WTIP: variants seen among roughly 807,000 people sequenced by gnomAD.
WTIP encodes Wilms tumor protein 1-interacting protein.
In WTIP, 23 loss-of-function variants were observed where a neutral mutation model predicts 41.7. The observed-to-expected ratio is 0.55, with a 90% CI of 0.40 to 0.78. The LOEUF (loss-of-function observed/expected upper bound fraction) is 0.78, where lower values mean the gene tolerates loss of function less well. Ranked by LOEUF, WTIP falls within the 30% of genes least tolerant of loss-of-function variation. WTIP has a pLI of 0.00. For missense variants in WTIP, 619 were observed against 610.5 expected (o/e 1.01, Z -0.15); for synonymous variants, 314 against 269.9 (o/e 1.16, Z -1.60).
rs914452723 is a variant in WTIP at position 34,482,202 on chromosome 19, G to C, written c.228G>C (p.Ala76=). 3.4e-3 allele frequency: 3,798 copies of C among 1,119,894 alleles called. 7 individuals carry two copies. The highest frequency in any genetic ancestry group is 3.9e-3 in the Non-Finnish European group (3,540 of 918,714). The allele number at this position is 1,119,894 out of a possible 1,614,324, so 69.4% of individuals were successfully genotyped here. The change falls in exon 1 of 8, where the codon GCG becomes GCC. Residue 76 remains alanine (A), a synonymous_variant. Coordinates refer to ENST00000590071, the MANE Select transcript of WTIP (RefSeq NM_001080436.2). ...LSRGERGPRR[A]AVPELSAQPA... ...GCGGGGAGCGGGGTCCCCGGCGCGC[G>C]GCGGTTCCGGAGCTCAGCGCGCAGC...
chr19:34,503,922 C>G lies in WTIP; in HGVS notation c.*3653C>G, dbSNP rs528282421. Reference sequence around the variant, plus strand: ...TGTGGGCGTGAGTGCTCCCTGCAATCCCCAGACAAGCCTGCCTCTCAGCGG... The same window carrying G: ...TGTGGGCGTGAGTGCTCCCTGCAATGCCCAGACAAGCCTGCCTCTCAGCGG... On this transcript the variant is annotated 3_prime_UTR_variant, in exon 8 of 8. Coordinates refer to ENST00000590071, the MANE Select transcript of WTIP (RefSeq NM_001080436.2). 6.6e-6 allele frequency: 1 copy of G among 152,636 alleles called. No individual in the cohort carries two copies. The highest frequency in any genetic ancestry group is 1.9e-4 in the East Asian group (1 of 5,186). The allele number at this position is 152,636 out of a possible 1,614,324, so 9.5% of individuals were successfully genotyped here.
rs2075932376 is a variant in WTIP at position 34,511,367 on chromosome 19, CCCATT to C, written c.*11099_*11103del. The C allele has an allele frequency of 6.6e-6, 1 of 152,110 alleles. No homozygotes were observed. Among genetic ancestry groups the C allele is most frequent in the African/African-American group, 2.4e-5 (1 of 41,408 alleles). 9.4% of individuals were successfully genotyped at this position (152,110 alleles called of 1,614,324 possible). On this transcript the variant is annotated 3_prime_UTR_variant, in exon 8 of 8. Coordinates refer to ENST00000590071, the MANE Select transcript of WTIP (RefSeq NM_001080436.2). ...ACTGCCCCCATGATTCAAAATATTT[CCCATT>C]GGGTCCCTCCCACAACACGTGAGAA...
At chr19:34,494,736 G>T (rs1338506205) in intron 6 of WTIP, 99 bp downstream of exon 6, 2 of 1,243,086 alleles carry the variant, frequency 1.6e-6, no homozygotes, top group Non-Finnish European at 2.3e-6. Flanking sequence ...ACAGTGGGAG[G>T]GATGAGCAGG....
chr19:34,491,847 T>A (rs2075826921), intron 2 of WTIP, among the ~76,000 whole-genome samples: 1 of 149,022 alleles, frequency 6.7e-6, no homozygotes, highest in South Asian at 2.1e-4. Context: ...GGTTTCATAG[T>A]GTTAGTCAGG....
intron 1 of WTIP, among the ~76,000 whole-genome samples, chr19:34,489,408 T>C (rs1272673262): frequency 6.6e-6 from 1 of 151,928 alleles, no homozygotes; most frequent in African/African-American, 2.4e-5. Flanking sequence ...AAGTGGACCC[T>C]GGCATACAGA....
chr19:34,482,606 G>T lies in WTIP; in HGVS notation c.632G>T (p.Arg211Leu). 8.1e-7 allele frequency: 1 copy of T among 1,229,790 alleles called. No homozygotes were observed. The highest frequency in any genetic ancestry group is 4.1e-5 in the South Asian group (1 of 24,428). The allele number at this position is 1,229,790 out of a possible 1,614,324, so 76.2% of individuals were successfully genotyped here. Reference sequence around the variant, plus strand: ...GAGGCGCTCACCCGGGAGCTGGAGCGGGCGCTCGAGGCGCGCACGGCGCGG... The same window carrying T: ...GAGGCGCTCACCCGGGAGCTGGAGCTGGCGCTCGAGGCGCGCACGGCGCGG... ...RLEALTRELE[R>L]ALEARTARDY... Residue 211 changes from arginine to leucine, a missense_variant, in exon 1 of 8, where the codon CGG (arginine) becomes CTG (leucine). Physicochemically the swap from Arg to Leu is moderately radical, Grantham distance 102. Coordinates refer to ENST00000590071, the MANE Select transcript of WTIP (RefSeq NM_001080436.2).
Position 34,482,624 on chromosome 19 carries a change from C to T in WTIP, c.650C>T (p.Thr217Met), listed in dbSNP as rs2145588574. The T allele has an allele frequency of 3.3e-6, 4 of 1,229,152 alleles. No homozygotes were observed. Among genetic ancestry groups the T allele is most frequent in the Non-Finnish European group, 4.1e-6 (4 of 986,398 alleles). 76.1% of individuals were successfully genotyped at this position (1,229,152 alleles called of 1,614,324 possible). ...CTGGAGCGGGCGCTCGAGGCGCGCACGGCGCGGGACTACTTCGGTGAGCTC... is the reference window on the plus strand; with the variant it reads ...CTGGAGCGGGCGCTCGAGGCGCGCATGGCGCGGGACTACTTCGGTGAGCTC... ...RELERALEAR[T>M]ARDYFGICIK... Residue 217 changes from threonine to methionine, a missense_variant, in exon 1 of 8, where the codon ACG becomes ATG. Transcript: ENST00000590071.
rs1378837601 is a variant in WTIP at position 34,511,858 on chromosome 19, C to T, written c.*11589C>T. 6.6e-6 allele frequency: 1 copy of T among 152,110 alleles called. No homozygotes were observed. The highest frequency in any genetic ancestry group is 6.5e-5 in the Admixed American group (1 of 15,274). 9.4% of individuals were successfully genotyped at this position (152,110 alleles called of 1,614,324 possible). Reference sequence around the variant, plus strand: ...ACTAGTTTGGGATTGAATATTCTTACACATTTATTTGGTGAAGAACTTTTA... The same window carrying T: ...ACTAGTTTGGGATTGAATATTCTTATACATTTATTTGGTGAAGAACTTTTA... On this transcript the variant is annotated 3_prime_UTR_variant, in exon 8 of 8. Transcript: ENST00000590071.
At chr19:34,485,112 C>T (rs1457919878) in intron 1 of WTIP, among the ~76,000 whole-genome samples, 1 of 152,078 alleles carries the variant, frequency 6.6e-6, no homozygotes, top group Non-Finnish European at 1.5e-5. Context: ...GAGACGGAGT[C>T]TTGCTCTGTC....
In WTIP at chr19:34,482,656, C is replaced by T; in HGVS notation, c.667+15C>T. 5 of 1,226,656 alleles carry T rather than the reference C, an allele frequency of 4.1e-6. No homozygotes were observed. The highest frequency in any genetic ancestry group is 5.1e-6 in the Non-Finnish European group (5 of 984,710). 76.0% of individuals were successfully genotyped at this position (1,226,656 alleles called of 1,614,324 possible). ...GGACTACTTCGGTGAGCTCGCTCGG[C>T]CCGGCAGTTCCCTGCGCGCATGGCT... On this transcript the variant is annotated intron_variant, in intron 1 of 7. Transcript: ENST00000590071.
At chr19:34,483,336 C>T (rs1483240745) in intron 1 of WTIP, among the ~76,000 whole-genome samples, 2 of 152,028 alleles carry the variant, frequency 1.3e-5, no homozygotes, top group African/African-American at 4.8e-5. Flanking sequence ...ATCTTTTCTT[C>T]TTTGCGTTTG....
At chr19:34,495,601 C>A in intron 6 of WTIP, 102 bp from the exon 7 acceptor site, 2 of 1,387,100 alleles carry the variant, frequency 1.4e-6, no homozygotes, top group Non-Finnish European at 1.0e-6. Flanking sequence ...CGGGCGTGCA[C>A]CTCCGCCGGG....
intron 1 of WTIP, among the ~76,000 whole-genome samples, chr19:34,485,423 G>T (rs1018816577): frequency 2.6e-5 from 4 of 152,130 alleles, no homozygotes; most frequent in African/African-American, 9.7e-5. Context: ...CTATTTGTTT[G>T]AACTATATGG....
In WTIP at chr19:34,510,021, G is replaced by A. The variant is rs949208902; in HGVS notation, c.*9752G>A. 1.3e-5 allele frequency: 2 copies of A among 152,280 alleles called. No homozygotes were observed. The highest frequency in any genetic ancestry group is 2.4e-5 in the African/African-American group (1 of 41,454). The allele number at this position is 152,280 out of a possible 1,614,324, so 9.4% of individuals were successfully genotyped here. Reference sequence around the variant, plus strand: ...CTTCTTTCATGGGCTGGCATTGAGTGTCTGCGGCTTTTCCAGGCACCTTGT... The same window carrying A: ...CTTCTTTCATGGGCTGGCATTGAGTATCTGCGGCTTTTCCAGGCACCTTGT... On this transcript the variant is annotated 3_prime_UTR_variant, in exon 8 of 8. Transcript: ENST00000590071.
intron 1 of WTIP, among the ~76,000 whole-genome samples, chr19:34,488,101 A>G (rs1374590853): frequency 6.7e-6 from 1 of 149,738 alleles, no homozygotes; most frequent in African/African-American, 2.4e-5. Flanking sequence ...TTTGAGACGG[A>G]GTCTTACTCT....
rs1161838310 is a variant in WTIP at position 34,500,377 on chromosome 19, C to A, written c.*108C>A. 1.2e-5 allele frequency: 16 copies of A among 1,373,880 alleles called. No homozygotes were observed. In the East Asian group the frequency reaches 3.6e-4, roughly 31 times the overall value. The allele number at this position is 1,373,880 out of a possible 1,614,324, so 85.1% of individuals were successfully genotyped here. On this transcript the variant is annotated 3_prime_UTR_variant, in exon 8 of 8. Transcript: ENST00000590071. The stretch of plus-strand genomic sequence containing the variant: ...GGAGCTCCCTCCAATCAGTTTCCCA[C>A]CGAGCTGCTGTCTGCAGGGGCCGGA...
rs781410956 is a variant in WTIP at position 34,493,283 on chromosome 19, G to A, written c.858G>A (p.Thr286=). The A allele has an allele frequency of 1.8e-5, 29 of 1,613,438 alleles. No homozygotes were observed. The highest frequency in any genetic ancestry group is 1.2e-4 in the African/African-American group (9 of 74,904). The change falls in exon 4 of 8, where the codon ACG becomes ACA. Residue 286 remains threonine, a synonymous_variant. Transcript: ENST00000590071. The surrounding 1 kb of genome is among the most constrained non-coding windows in gnomAD (Gnocchi z 4.1). ...EDFLYSGFQQ[T]ADKCSVCGHL... ...CCCAGTACTCCGGGTTCCAGCAGACGGCCGACAAATGCAGCGTGTGTGGAC... is the reference window on the plus strand; with the variant it reads ...CCCAGTACTCCGGGTTCCAGCAGACAGCCGACAAATGCAGCGTGTGTGGAC...
chr19:34,493,518 C>T lies in WTIP; in HGVS notation c.927C>T (p.Tyr309=), dbSNP rs767878763. 144 of 1,613,688 alleles carry T rather than the reference C, an allele frequency of 8.9e-5. No individual in the cohort carries two copies. The highest frequency in any genetic ancestry group is 5.0e-4 in the Admixed American group (30 of 60,030). ...EMILQALGKS[Y]HPGCFRCSVC... is the part of the protein sequence containing the mutation. ...TCCTGCAGGCCCTGGGCAAGTCCTA[C>T]CACCCAGGCTGCTTCCGGTGCTCCG... The change falls in exon 5 of 8, where the codon TAC becomes TAT. Residue 309 remains tyrosine (Y), a synonymous_variant. Transcript: ENST00000590071. This position sits in a 1 kb window ranked among gnomAD's most constrained non-coding sequence, Gnocchi z 4.1.
In WTIP at chr19:34,510,460, G is replaced by A. The variant is rs2075928911; in HGVS notation, c.*10191G>A. ...GCTGCACACAACATGGGGACTTTGG[G>A]TCCAGCCCACAAAACCATTTTTTGC... is the stretch of plus-strand genomic sequence containing the variant. On this transcript the variant is annotated 3_prime_UTR_variant, in exon 8 of 8. Transcript: ENST00000590071. The A allele has an allele frequency of 6.6e-6, 1 of 152,184 alleles. No homozygotes were observed. Among genetic ancestry groups the A allele is most frequent in the African/African-American group, 2.4e-5 (1 of 41,430 alleles). 9.4% of individuals were successfully genotyped at this position (152,184 alleles called of 1,614,324 possible).
Sources: allele counts gnomAD v4.1 joint callset (sites outside exome capture counted in the v4.1 genomes callset), GRCh38; gene constraint gnomAD v4.1.1; non-coding constraint Gnocchi (gnomAD v3.1); transcripts MANE v1.5; gene names NCBI Gene and HGNC (gene_info 2026-07-23, HGNC 2026-07-21).